The following PCDH11X variants were observed in gnomAD, a reference collection of about 807,000 sequenced individuals.
The protein encoded by PCDH11X is protocadherin-11 X-linked.
PCDH11X carries 18 observed loss-of-function variants against 53.3 expected under a neutral mutation model. That is an observed-to-expected ratio of 0.34 (90% CI 0.23 to 0.50). PCDH11X has a LOEUF of 0.50. Ranked by LOEUF, PCDH11X falls within the 20% of genes least tolerant of loss-of-function variation. PCDH11X has a pLI of 0.98. For missense variants in PCDH11X, 570 were observed against 1,032.4 expected, an observed-to-expected ratio of 0.55 and a Z score of 6.14; for synonymous variants, 279 against 393.3, an observed-to-expected ratio of 0.71 and a Z score of 3.44.
chrX:92,563,069 T>TG, intron 10 of PCDH11X, among the ~76,000 whole-genome samples: 1 of 85,201 alleles, frequency 1.2e-5, no homozygotes, highest in Non-Finnish European at 2.3e-5. Context: ...TTTTTTTTTT[T>TG]TTTTTTTTTT....
At chrX:91,807,980 C>G (rs1936174403) in intron 1 of PCDH11X, among the ~76,000 whole-genome samples, 1 of 107,356 alleles carries the variant, frequency 9.3e-6, no homozygotes, top group South Asian at 4.2e-4. Context: ...CTATCTCCCA[C>G]TCTTCTGATT....
At chrX:91,817,998 GA>G (rs765750023) in intron 4 of PCDH11X, among the ~76,000 whole-genome samples, 1 of 111,438 alleles carries the variant, frequency 9.0e-6, no homozygotes, top group East Asian at 2.8e-4. Context: ...CTTCTTCTAT[GA>G]TATCTATTAA....
rs1026097184 is a variant in PCDH11X at position 92,286,237 on chromosome X, C to T, written c.3144+23094C>T. On this transcript the variant is annotated intron_variant, in intron 8 of 10. Coordinates refer to ENST00000682573, the MANE Select transcript of PCDH11X (RefSeq NM_032968.5). ...AGATAAAGCCATCACAGCTTTATCA[C>T]GCCTACGTAATTTTTGCTTTGCTTC... is the stretch of plus-strand genomic sequence containing the variant. Among the ~76,000 whole-genome samples, 12 of 107,258 alleles carry T rather than the reference C, an allele frequency of 1.1e-4. No homozygotes were observed. In the East Asian group the frequency reaches 2.1e-3, roughly 19 times the overall value. The allele number at this position is 107,258 out of a possible 115,157, so 93.1% of individuals were successfully genotyped here.
intron 10 of PCDH11X, among the ~76,000 whole-genome samples, chrX:92,534,279 C>T (rs1213831744): frequency 9.0e-6 from 1 of 110,598 alleles, no homozygotes; most frequent in African/African-American, 3.3e-5. Flanking sequence ...GTAGCCAATT[C>T]GATCAAGTGG....
chrX:92,273,763 C>T lies in PCDH11X; in HGVS notation c.3144+10620C>T, dbSNP rs371848921. 5.5e-4 allele frequency among the ~76,000 whole-genome samples: 61 copies of T among 110,688 alleles called. 1 individual carries two copies. The South Asian group carries it at 0.019, about 35-fold the overall frequency. Reference sequence around the variant, plus strand: ...AGAATTATTGGTGATGGCCTGGATACGGTTTTGTATGAACTGAAAAACTAA... The same window carrying T: ...AGAATTATTGGTGATGGCCTGGATATGGTTTTGTATGAACTGAAAAACTAA... On this transcript the variant is annotated intron_variant, in intron 8 of 10. Coordinates refer to ENST00000682573, the MANE Select transcript of PCDH11X (RefSeq NM_032968.5).
intron 9 of PCDH11X, among the ~76,000 whole-genome samples, chrX:92,464,381 G>A (rs182667269): frequency 9.0e-6 from 1 of 110,545 alleles, no homozygotes; most frequent in Non-Finnish European, 1.9e-5. Flanking sequence ...TTATGATAAC[G>A]AGTGAGTTCT....
intron 6 of PCDH11X, among the ~76,000 whole-genome samples, chrX:92,102,779 A>T (rs1211398423): frequency 1.8e-5 from 2 of 111,119 alleles, no homozygotes; most frequent in Non-Finnish European, 3.8e-5. Flanking sequence ...AGGATAGGAG[A>T]GTATATGGGT....
chrX:91,787,553 C>T (rs1255438022), intron 1 of PCDH11X, among the ~76,000 whole-genome samples: 1 of 110,194 alleles, frequency 9.1e-6, no homozygotes, highest in African/African-American at 3.3e-5. Context: ...TCAATTTCCC[C>T]AAAAGTAAAA....
At chrX:92,148,106 CTTT>C (rs1181460358) in intron 6 of PCDH11X, among the ~76,000 whole-genome samples, 27 of 16,971 alleles carry the variant, frequency 1.6e-3, no homozygotes, top group South Asian at 2.8e-3. Context: ...TTCTTTCTTT[CTTT>C]CTTTCTTTCT....
In PCDH11X at chrX:91,969,776, G is replaced by A. The variant is rs73537442; in HGVS notation, c.3033+90503G>A. On this transcript the variant is annotated intron_variant, in intron 6 of 10. Transcript: ENST00000682573. ...TGTGCCACTGCACTGCAGCCTGGGTGACTGAGTCGCCCTTGTCTCAAAAAA... is the reference window on the plus strand; with the variant it reads ...TGTGCCACTGCACTGCAGCCTGGGTAACTGAGTCGCCCTTGTCTCAAAAAA... Among the ~76,000 whole-genome samples, 340 of 99,731 alleles carry A rather than the reference G, an allele frequency of 3.4e-3. 1 individual carries two copies. The highest frequency in any genetic ancestry group is 0.012 in the African/African-American group (325 of 26,559). The allele number at this position is 99,731 out of a possible 115,157, so 86.6% of individuals were successfully genotyped here.
intron 10 of PCDH11X, among the ~76,000 whole-genome samples, chrX:92,483,892 A>T (rs1478675722): frequency 5.5e-5 from 6 of 109,371 alleles, no homozygotes; most frequent in African/African-American, 2.0e-4. Flanking sequence ...TGGGAAGAAG[A>T]ATGACTTTGT....
intron 8 of PCDH11X, among the ~76,000 whole-genome samples, chrX:92,310,678 C>G (rs2068930062): frequency 9.1e-6 from 1 of 110,445 alleles, no homozygotes; most frequent in Admixed American, 9.7e-5. Context: ...CTTGAGCCAC[C>G]CCACTGGCCT....
chrX:92,119,671 T>C (rs1172271689), intron 6 of PCDH11X, among the ~76,000 whole-genome samples: 10 of 111,752 alleles, frequency 8.9e-5, no homozygotes, highest in Non-Finnish European at 1.5e-4. Flanking sequence ...CATTATTTTA[T>C]TATTTCTATT....
chrX:92,355,873 T>A (rs1228635693), intron 8 of PCDH11X, among the ~76,000 whole-genome samples: 2 of 109,875 alleles, frequency 1.8e-5, no homozygotes, highest in African/African-American at 6.6e-5. Context: ...GTTAAGACTG[T>A]ATAAATATAT....
chrX:91,817,188 T>G (rs2147572702), intron 4 of PCDH11X, among the ~76,000 whole-genome samples: 1 of 107,374 alleles, frequency 9.3e-6, no homozygotes, highest in South Asian at 4.2e-4. Context: ...TAATTCTATT[T>G]TAAGATGCTA....
At chrX:92,485,030 TTTA>T (rs1413373718) in intron 10 of PCDH11X, among the ~76,000 whole-genome samples, 1 of 110,628 alleles carries the variant, frequency 9.0e-6, no homozygotes, top group Non-Finnish European at 1.9e-5. Context: ...TTTTCATACA[TTTA>T]TTAATACATA....
In PCDH11X at chrX:92,071,972, A is replaced by G. The variant is rs758017399; in HGVS notation, c.3034-129403A>G. Among the ~76,000 whole-genome samples the G allele has an allele frequency of 7.2e-5, 8 of 110,920 alleles. No homozygotes were observed. In the South Asian group the frequency reaches 3.1e-3, roughly 43 times the overall value. On this transcript the variant is annotated intron_variant, in intron 6 of 10. Transcript: ENST00000682573. The stretch of plus-strand genomic sequence containing the variant: ...CTTTCTTAGAGCCAGGGATTATTCT[A>G]TTCTACTGTGTCTAAGCTTGCCCTC...
intron 10 of PCDH11X, among the ~76,000 whole-genome samples, chrX:92,569,457 A>G (rs185628403): frequency 5.5e-5 from 6 of 108,380 alleles, no homozygotes; most frequent in African/African-American, 1.7e-4. Context: ...ATGCACACTC[A>G]GATAAAATTG....
chrX:91,865,096 C>CCCACACTTAGTATTTGTCATA (rs1938894802), intron 5 of PCDH11X, among the ~76,000 whole-genome samples: 1 of 110,347 alleles, frequency 9.1e-6, no homozygotes. Context: ...AGTGTTTAGG[C>CCCACACTTAGTATTTGTCATA]ATTGAAGAGT....
Sources: gnomAD v4.1 joint callset for allele counts (sites outside exome capture counted in the v4.1 genomes callset) on GRCh38, gnomAD v4.1.1 for gene constraint, MANE v1.5 for transcripts, NCBI Gene and HGNC (gene_info 2026-07-23, HGNC 2026-07-21) for gene names.